PIK3R3: variants seen among roughly 807,000 people sequenced by gnomAD.
PIK3R3 encodes phosphoinositide-3-kinase regulatory subunit 3, also known as phosphatidylinositol 3-kinase regulatory subunit gamma.
In PIK3R3, 64 loss-of-function variants were observed where a neutral mutation model predicts 62.9. The observed-to-expected ratio is 1.02, with a 90% CI of 0.83 to 1.25. The LOEUF (loss-of-function observed/expected upper bound fraction) is 1.25, where lower values mean the gene tolerates loss of function less well. Ranked by LOEUF, PIK3R3 falls within the 50% of genes most tolerant of loss-of-function variation. The pLI, the probability that PIK3R3 is intolerant of heterozygous loss-of-function variation, is 0.00. For missense variants in PIK3R3, 614 were observed against 561.6 expected (o/e 1.09, Z -0.94); for synonymous variants, 165 against 189.0 (o/e 0.87, Z 1.04).
intron 5 of PIK3R3, among the ~76,000 whole-genome samples, chr1:46,063,619 C>T (rs567684066): frequency 1.3e-5 from 2 of 152,154 alleles, no homozygotes; most frequent in South Asian, 2.1e-4. Flanking sequence ...ACTACTAAGT[C>T]AGCACCTCCC....
chr1:46,171,729 G>GA, the PIK3R3 span, among the ~76,000 whole-genome samples: 1 of 152,026 alleles, frequency 6.6e-6, no homozygotes, highest in Admixed American at 6.6e-5. Flanking sequence ...GGGGTCTGGG[G>GA]AACCTATTTC....
At chr1:46,100,058 C>A (rs1652507919) in intron 1 of PIK3R3, among the ~76,000 whole-genome samples, 2 of 151,920 alleles carry the variant, frequency 1.3e-5, no homozygotes, top group Admixed American at 1.3e-4. Context: ...ATTATTAATC[C>A]TTTTTAGTTA....
chr1:46,126,667 C>T (rs1369188826), intron 1 of PIK3R3, among the ~76,000 whole-genome samples: 2 of 149,708 alleles, frequency 1.3e-5, no homozygotes, highest in Non-Finnish European at 3.0e-5. Flanking sequence ...ATTATGCTAA[C>T]ATGTTTGCCA....
chr1:46,073,795 T>C (rs994926898), intron 3 of PIK3R3, among the ~76,000 whole-genome samples: 3 of 150,670 alleles, frequency 2.0e-5, no homozygotes, highest in Non-Finnish European at 4.4e-5. Context: ...AATTTTTTTT[T>C]TTTTTTTTTT....
chr1:46,126,533 G>A (rs1371842449), intron 1 of PIK3R3, among the ~76,000 whole-genome samples: 4 of 145,876 alleles, frequency 2.7e-5, no homozygotes, highest in African/African-American at 5.1e-5. Flanking sequence ...GTGAGACCCT[G>A]TCTCAAAAAA....
At chr1:46,073,103 G>C (rs1436664359) in intron 3 of PIK3R3, among the ~76,000 whole-genome samples, 1 of 152,108 alleles carries the variant, frequency 6.6e-6, no homozygotes, top group Non-Finnish European at 1.5e-5. Context: ...AGACAGACTA[G>C]GTGGGAAGGG....
At chr1:46,118,830 A>C (rs1056508077) in intron 1 of PIK3R3, among the ~76,000 whole-genome samples, 9 of 152,146 alleles carry the variant, frequency 5.9e-5, no homozygotes, top group Non-Finnish European at 8.8e-5. Flanking sequence ...TGCTGGGATT[A>C]CAGGCATGAG....
At chr1:46,113,012 C>T (rs1571532536) in intron 1 of PIK3R3, among the ~76,000 whole-genome samples, 2 of 152,290 alleles carry the variant, frequency 1.3e-5, no homozygotes, top group East Asian at 1.9e-4. Flanking sequence ...TTAAACAACT[C>T]TACTATTCAT....
At chr1:46,173,284 C>G in the PIK3R3 span, among the ~76,000 whole-genome samples, 1 of 152,214 alleles carries the variant, frequency 6.6e-6, no homozygotes, top group Non-Finnish European at 1.5e-5. Flanking sequence ...TACAAGTACT[C>G]AGAGACCTCC....
At chr1:46,052,755 T>C (rs1647474205) in intron 7 of PIK3R3, among the ~76,000 whole-genome samples, 1 of 152,182 alleles carries the variant, frequency 6.6e-6, no homozygotes, top group Non-Finnish European at 1.5e-5. Context: ...TGAAATTCTG[T>C]ATTTAAACAC....
At position 46,091,732 on chromosome 1, in the gene PIK3R3, T is replaced by C. The variant is rs151190862; in HGVS notation, c.107-10982A>G. ...ATATAATCATCCCTCAGTATCCTCA[T>C]AGGATTGCTTCCAGGACCCCTGCAG... On this transcript the variant is annotated intron_variant, in intron 1 of 9. Transcript: ENST00000262741. Among the ~76,000 whole-genome samples the C allele has an allele frequency of 2.8e-3, 431 of 152,264 alleles. 3 individuals are homozygous for C. The highest frequency in any genetic ancestry group is 9.7e-3 in the African/African-American group (402 of 41,552).
intron 1 of PIK3R3, among the ~76,000 whole-genome samples, chr1:46,130,969 C>T (rs1655528192): frequency 6.6e-6 from 1 of 152,084 alleles, no homozygotes. Context: ...ACCAGATACA[C>T]AAAATGTCTG....
chr1:46,173,639 C>G, the PIK3R3 span, among the ~76,000 whole-genome samples: 6 of 152,162 alleles, frequency 3.9e-5, no homozygotes, highest in Non-Finnish European at 8.8e-5. Flanking sequence ...GGTGGGTGCC[C>G]TCTGGCTGCT....
intron 1 of PIK3R3, among the ~76,000 whole-genome samples, chr1:46,130,597 G>A (rs899908057): frequency 6.6e-6 from 1 of 151,460 alleles, no homozygotes; most frequent in Non-Finnish European, 1.5e-5. Context: ...CCGTTTGCAA[G>A]GACACAGGAA....
the PIK3R3 span, among the ~76,000 whole-genome samples, chr1:46,170,220 A>T: frequency 1.3e-5 from 2 of 152,244 alleles, no homozygotes; most frequent in Middle Eastern, 6.8e-3. Context: ...GGCTGATGGT[A>T]ACTGCAGTTA....
intron 1 of PIK3R3, among the ~76,000 whole-genome samples, chr1:46,083,254 A>G (rs1032405326): frequency 1.3e-5 from 2 of 152,240 alleles, no homozygotes; most frequent in African/African-American, 4.8e-5. Flanking sequence ...TTAACTAAAA[A>G]TTGATCAAAG....
chr1:46,076,757 CCCTTAGTTA>C (rs1650102269), intron 3 of PIK3R3, among the ~76,000 whole-genome samples: 1 of 152,144 alleles, frequency 6.6e-6, no homozygotes, highest in Non-Finnish European at 1.5e-5. Context: ...ACCATGTTAA[CCCTTAGTTA>C]CCTCATCTAT....
At chr1:46,128,035 T>C (rs1235756262) in intron 1 of PIK3R3, among the ~76,000 whole-genome samples, 1 of 152,186 alleles carries the variant, frequency 6.6e-6, no homozygotes, top group Non-Finnish European at 1.5e-5. Context: ...CACAACAATG[T>C]TAGTTATTGA....
chr1:46,048,655 C>T (rs1211445286), intron 7 of PIK3R3, among the ~76,000 whole-genome samples: 1 of 152,096 alleles, frequency 6.6e-6, no homozygotes, highest in African/African-American at 2.4e-5. Flanking sequence ...AACCACCAAC[C>T]TCTTTAAACT....
Sources: gnomAD v4.1 joint callset for allele counts (sites outside exome capture counted in the v4.1 genomes callset) on GRCh38, gnomAD v4.1.1 for gene constraint, MANE v1.5 for transcripts, NCBI Gene and HGNC (gene_info 2026-07-23, HGNC 2026-07-21) for gene names.